PRDM2: variants seen among roughly 807,000 people sequenced by gnomAD.
The protein encoded by PRDM2 is PR domain zinc finger protein 2.
A neutral mutation model predicts 130.0 loss-of-function variants in PRDM2; 30 were observed. The ratio of observed to expected loss-of-function variants is 0.23; its 90% CI spans 0.17 to 0.31. The LOEUF is 0.31. Ranked by LOEUF, PRDM2 falls within the 10% of genes least tolerant of loss-of-function variation. The pLI is 1.00. For synonymous variants in PRDM2, 871 were observed against 782.4 expected, an observed-to-expected ratio of 1.11 and a Z score of -1.89; for missense variants, 2,011 against 2,108.4, an observed-to-expected ratio of 0.95 and a Z score of 0.90.
At chr1:13,785,481 G>A (rs186832081) in intron 8 of PRDM2, among the ~76,000 whole-genome samples, 2 of 152,134 alleles carry the variant, frequency 1.3e-5, no homozygotes, top group East Asian at 1.9e-4. Flanking sequence ...CTTGCAATCA[G>A]CCATATGATT....
At chr1:13,730,574 G>A (rs1243289090) in intron 2 of PRDM2, among the ~76,000 whole-genome samples, 2 of 152,240 alleles carry the variant, frequency 1.3e-5, no homozygotes, top group Non-Finnish European at 2.9e-5. Flanking sequence ...AGTAGCCTTT[G>A]TGGTGTGTGC....
intron 8 of PRDM2, chr1:13,787,874 T>C: frequency 1.0e-6 from 1 of 984,430 alleles, no homozygotes; most frequent in Non-Finnish European, 1.2e-6. Context: ...TTTTAACCAA[T>C]GTAGCACTGA....
At position 13,761,427 on chromosome 1, in the gene PRDM2, G is replaced by A. The variant is rs181233390; in HGVS notation, c.512-11651G>A. On this transcript the variant is annotated intron_variant, in intron 6 of 9. Coordinates refer to ENST00000311066, the MANE Select transcript of PRDM2 (RefSeq NM_001393986.1). The stretch of plus-strand genomic sequence containing the variant: ...CTTAGAAGGTGCTAATTAATTTGAC[G>A]ATACCAGTTTTCCGGGAAGAAATGT... 1.1e-3 allele frequency among the ~76,000 whole-genome samples: 171 copies of A among 152,260 alleles called. 1 individual carries two copies. Among genetic ancestry groups the A allele is most frequent in the Non-Finnish European group, 1.7e-3 (117 of 68,016 alleles).
chr1:13,769,261 CTG>C (rs1644303191), intron 6 of PRDM2: 5 of 705,534 alleles, frequency 7.1e-6, no homozygotes, highest in Non-Finnish European at 8.7e-6. Flanking sequence ...CATCTCCCCT[CTG>C]TAAATGTCCT....
At chr1:13,733,825 T>G (rs917981048) in intron 4 of PRDM2, among the ~76,000 whole-genome samples, 1 of 152,216 alleles carries the variant, frequency 6.6e-6, no homozygotes, top group Non-Finnish European at 1.5e-5. Flanking sequence ...CAAAACAAGT[T>G]AAGTTTTTGG....
At chr1:13,720,672 C>A (rs980082006) in intron 2 of PRDM2, among the ~76,000 whole-genome samples, 60 of 152,240 alleles carry the variant, frequency 3.9e-4, no homozygotes, top group African/African-American at 1.4e-3. Context: ...CAGGCACTAG[C>A]CTAAGTGCTT....
At position 13,806,778 on chromosome 1, in the gene PRDM2, C is replaced by T. The variant is rs1432851594; in HGVS notation, c.5037-9649C>T. On this transcript the variant is annotated intron_variant, in intron 8 of 9. Coordinates refer to ENST00000311066, the MANE Select transcript of PRDM2 (RefSeq NM_001393986.1). This position sits in a 1 kb window ranked among gnomAD's most constrained non-coding sequence, Gnocchi z 4.1. ...AGCAGCCACTTTGGGTCATGATATTCCTCTGCCCAGAAGGACAACTGACTG... is the reference window on the plus strand; with the variant it reads ...AGCAGCCACTTTGGGTCATGATATTTCTCTGCCCAGAAGGACAACTGACTG... Among the ~76,000 whole-genome samples, 1 of 152,178 alleles carries T rather than the reference C, an allele frequency of 6.6e-6. No homozygotes were observed. Among genetic ancestry groups the T allele is most frequent in the African/African-American group, 2.4e-5 (1 of 41,428 alleles).
At chr1:13,700,453 C>T (rs1401437281) in intron 1 of PRDM2, among the ~76,000 whole-genome samples, 153 bp downstream of exon 1, 1 of 149,704 alleles carries the variant, frequency 6.7e-6, no homozygotes, top group Non-Finnish European at 1.5e-5. Context: ...TCAGAGGTCC[C>T]GGGCGTGCCG....
Position 13,779,539 on chromosome 1 carries a change from A to G in PRDM2, c.1744A>G (p.Asn582Asp), listed in dbSNP as rs781738665. ...AATTCAAACTAATAACAACACTAGT[A>G]ACTGTGATGTGATTGAGATGGAGTC... ...GKIQTNNNTS[N>D]CDVIEMESAS... Residue 582 changes from asparagine to aspartate, a missense_variant, in exon 8 of 10, where the codon AAC becomes GAC. This residue lies in a region of PRDM2 where 1,288 missense variants were observed against 1,237.7 expected (regional missense o/e 1.04). Coordinates refer to ENST00000311066, the MANE Select transcript of PRDM2 (RefSeq NM_001393986.1). This position sits in a 1 kb window ranked among gnomAD's most constrained non-coding sequence, Gnocchi z 4.9. 4.3e-6 allele frequency: 7 copies of G among 1,614,150 alleles called. No homozygotes were observed. The highest frequency in any genetic ancestry group is 1.1e-5 in the South Asian group (1 of 91,080).
chr1:13,713,173 A>G (rs75937963), intron 1 of PRDM2, among the ~76,000 whole-genome samples: 7 of 151,688 alleles, frequency 4.6e-5, no homozygotes, highest in Admixed American at 2.0e-4. Context: ...ATAACTCTTT[A>G]TTTTTTTCTA....
At chr1:13,759,360 G>C (rs139600916) in intron 6 of PRDM2, among the ~76,000 whole-genome samples, 1 of 152,076 alleles carries the variant, frequency 6.6e-6, no homozygotes, top group African/African-American at 2.4e-5. Context: ...TTGCAATGCC[G>C]TTTAGAATGG....
intron 8 of PRDM2, among the ~76,000 whole-genome samples, chr1:13,804,183 G>A (rs903315481): frequency 1.1e-4 from 17 of 152,146 alleles, no homozygotes; most frequent in African/African-American, 3.4e-4. Context: ...ATGGGCCAGT[G>A]TGTACTAATT....
At position 13,749,457 on chromosome 1, in the gene PRDM2, A is replaced by C; in HGVS notation, c.481A>C (p.Ser161Arg). The C allele has an allele frequency of 6.7e-7, 1 of 1,499,834 alleles. No homozygotes were observed. The highest frequency in any genetic ancestry group is 9.0e-7 in the Non-Finnish European group (1 of 1,111,788). 92.9% of individuals were successfully genotyped at this position (1,499,834 alleles called of 1,614,324 possible). The change falls in exon 6 of 10, where the codon AGC (serine) becomes CGC (arginine). Residue 161 changes from serine to arginine, a missense_variant. By Grantham distance (110) the Ser-to-Arg change is moderately radical. Around this residue, in one of 5 missense-constraint regions of PRDM2, gnomAD observed 1,288 missense variants for 1,237.7 expected, o/e 1.04. Coordinates refer to ENST00000311066, the MANE Select transcript of PRDM2 (RefSeq NM_001393986.1). ...TGAGGAAGAGCGAGCCAGCGCCCGG[A>C]GCAAGCGGAGCTCCCCCAAGAGCCG... ...AIEEERASAR[S>R]KRSSPKSRKG...
At chr1:13,702,290 A>C (rs1180942227) in intron 1 of PRDM2, among the ~76,000 whole-genome samples, 1 of 152,196 alleles carries the variant, frequency 6.6e-6, no homozygotes, top group Admixed American at 6.5e-5. Flanking sequence ...CTAACTAGTC[A>C]ATATTATGTT....
At chr1:13,707,030 T>C (rs1642231155) in intron 1 of PRDM2, among the ~76,000 whole-genome samples, 1 of 152,036 alleles carries the variant, frequency 6.6e-6, no homozygotes. Flanking sequence ...TGTAGTAATA[T>C]AAGTGTGCCT....
chr1:13,752,674 C>T (rs1246101862), intron 6 of PRDM2, among the ~76,000 whole-genome samples: 2 of 152,146 alleles, frequency 1.3e-5, no homozygotes, highest in African/African-American at 4.8e-5. Flanking sequence ...TCCCTGCTCT[C>T]TCAGTTACAT....
At chr1:13,702,949 A>G (rs1217895338) in intron 1 of PRDM2, among the ~76,000 whole-genome samples, 2 of 152,172 alleles carry the variant, frequency 1.3e-5, no homozygotes, top group African/African-American at 4.8e-5. Flanking sequence ...ATGATGAGGG[A>G]CATCACCTGA....
intron 8 of PRDM2, among the ~76,000 whole-genome samples, chr1:13,805,152 T>C (rs901536964): frequency 2.0e-5 from 3 of 152,138 alleles, no homozygotes; most frequent in African/African-American, 7.2e-5. Context: ...TCCCAAAAAC[T>C]ACCCAAAGTA....
chr1:13,717,429 A>C, intron 2 of PRDM2: 1 of 985,300 alleles, frequency 1.0e-6, no homozygotes, highest in South Asian at 4.7e-5. Flanking sequence ...AATGGTTGTG[A>C]GTTCTTCCAA....
Sources: gnomAD v4.1 joint callset for allele counts (sites outside exome capture counted in the v4.1 genomes callset) on GRCh38, gnomAD v4.1.1 for gene constraint, gnomAD v4.1.1 regional missense constraint, Gnocchi (gnomAD v3.1) non-coding constraint, MANE v1.5 for transcripts, NCBI Gene and HGNC (gene_info 2026-07-23, HGNC 2026-07-21) for gene names.